The following TRDN variants were observed in gnomAD, a reference collection of about 807,000 sequenced individuals.
TRDN encodes triadin.
A neutral mutation model predicts 149.7 loss-of-function variants in TRDN; 161 were observed. That is an observed-to-expected ratio of 1.08 (90% CI 0.95 to 1.23). The LOEUF (loss-of-function observed/expected upper bound fraction) is 1.23, where lower values mean the gene tolerates loss of function less well. TRDN is among the 50% of genes most tolerant of loss of function. The pLI, the probability that TRDN is intolerant of heterozygous loss-of-function variation, is 0.00. For missense variants in TRDN, 896 were observed against 823.5 expected (o/e 1.09, Z -1.08); for synonymous variants, 294 against 250.5 (o/e 1.17, Z -1.64).
chr6:123,386,724 G>T (rs924387115), intron 14 of TRDN, among the ~76,000 whole-genome samples: 1 of 152,120 alleles, frequency 6.6e-6, no homozygotes, highest in Non-Finnish European at 1.5e-5. Flanking sequence ...AAATCATTTT[G>T]CTGTAGTCTG....
At chr6:123,547,519 A>G in intron 3 of TRDN, 147 bp from the exon 4 acceptor site, 1 of 450,678 alleles carries the variant, frequency 2.2e-6, no homozygotes, top group Non-Finnish European at 3.9e-6. Flanking sequence ...CCCAAATTCC[A>G]GTTTTTAAGT....
chr6:123,359,751 A>C (rs2114332089), intron 20 of TRDN, among the ~76,000 whole-genome samples: 1 of 152,282 alleles, frequency 6.6e-6, no homozygotes, highest in Admixed American at 6.5e-5. Context: ...GCTGGAGTGC[A>C]GTGGCCGGAT....
chr6:123,599,704 G>A (rs926876170), intron 1 of TRDN, among the ~76,000 whole-genome samples: 3 of 151,822 alleles, frequency 2.0e-5, no homozygotes, highest in Non-Finnish European at 4.4e-5. Flanking sequence ...GTTGGTTATG[G>A]TCTCAGTATC....
chr6:123,375,378 A>G (rs1456140471), intron 19 of TRDN, among the ~76,000 whole-genome samples: 1 of 152,204 alleles, frequency 6.6e-6, no homozygotes, highest in African/African-American at 2.4e-5. Flanking sequence ...CAAAGGGGTT[A>G]TGATGTGGCC....
At chr6:123,311,580 T>G (rs1020811628) in intron 24 of TRDN, among the ~76,000 whole-genome samples, 6 of 151,946 alleles carry the variant, frequency 3.9e-5, no homozygotes, top group Admixed American at 3.9e-4. Context: ...GTGGTCTACT[T>G]GCCCCCAAAC....
chr6:123,554,453 T>C (rs539782038), intron 2 of TRDN, among the ~76,000 whole-genome samples: 1 of 152,290 alleles, frequency 6.6e-6, no homozygotes, highest in South Asian at 2.1e-4. Flanking sequence ...AAGAAATAAT[T>C]TTAAGTGACC....
chr6:123,465,237 C>A (rs1327353513), intron 9 of TRDN, among the ~76,000 whole-genome samples: 2 of 152,022 alleles, frequency 1.3e-5, no homozygotes, highest in African/African-American at 4.8e-5. Context: ...TTAAATATAT[C>A]TACTGGACTT....
At chr6:123,232,855 C>G (rs894751490) in intron 38 of TRDN, among the ~76,000 whole-genome samples, 1 of 151,930 alleles carries the variant, frequency 6.6e-6, no homozygotes, top group South Asian at 2.1e-4. Flanking sequence ...GCTCTATATG[C>G]TCTTAGCAAA....
intron 37 of TRDN, among the ~76,000 whole-genome samples, chr6:123,253,553 C>CTTTAAAAATTTAAAAA (rs1240527111): frequency 1.3e-5 from 2 of 151,784 alleles, no homozygotes; most frequent in Admixed American, 6.6e-5. Flanking sequence ...TTATTTTTTT[C>CTTTAAAAATTTAAAAA]TTTAAAAATA....
Position 123,593,016 on chromosome 6 carries a change from C to T in TRDN, c.23-21884G>A, listed in dbSNP as rs534805050. Among the ~76,000 whole-genome samples, 378 of 152,174 alleles carry T rather than the reference C, an allele frequency of 2.5e-3. 1 individual carries two copies. The highest frequency in any genetic ancestry group is 3.8e-3 in the Non-Finnish European group (257 of 67,990). On this transcript the variant is annotated intron_variant, in intron 1 of 40. Transcript: ENST00000334268. ...CATTGGTTCAGTGTTAGAGGAAGTT[C>T]TTCAAAAATAGCATCAATTATTTTA... is the stretch of plus-strand genomic sequence containing the variant.
chr6:123,367,810 G>T (rs955546560), intron 19 of TRDN, among the ~76,000 whole-genome samples: 2 of 152,128 alleles, frequency 1.3e-5, no homozygotes, highest in African/African-American at 4.8e-5. Flanking sequence ...GATTTGGACC[G>T]CACTTTGGAA....
chr6:123,620,653 A>G (rs1785337254), intron 1 of TRDN, among the ~76,000 whole-genome samples: 1 of 152,132 alleles, frequency 6.6e-6, no homozygotes, highest in Non-Finnish European at 1.5e-5. Flanking sequence ...CACCTCAGTA[A>G]AACCTCCTTC....
intron 5 of TRDN, among the ~76,000 whole-genome samples, chr6:123,518,337 C>A (rs1017604803): frequency 1.3e-5 from 2 of 152,106 alleles, no homozygotes; most frequent in Non-Finnish European, 2.9e-5. Flanking sequence ...ATTTTGGTTC[C>A]TTTGAATCCC....
intron 2 of TRDN, among the ~76,000 whole-genome samples, chr6:123,551,866 C>T (rs1268288066): frequency 6.6e-6 from 1 of 151,954 alleles, no homozygotes; most frequent in Admixed American, 6.6e-5. Context: ...TCTAAGGTCT[C>T]GTTTTGGGTG....
chr6:123,566,364 A>C (rs984275396), intron 2 of TRDN, among the ~76,000 whole-genome samples: 1 of 152,242 alleles, frequency 6.6e-6, no homozygotes, highest in African/African-American at 2.4e-5. Context: ...TAAATGAACC[A>C]CAAATAAAAG....
chr6:123,267,902 TAA>T (rs1054795510), intron 31 of TRDN, among the ~76,000 whole-genome samples, 151 bp from the exon 32 acceptor site: 2 of 151,976 alleles, frequency 1.3e-5, no homozygotes, highest in Non-Finnish European at 2.9e-5. Context: ...CATATTGCCA[TAA>T]AAAAATTATA....
At chr6:123,330,253 A>T (rs1170266117) in intron 23 of TRDN, among the ~76,000 whole-genome samples, 1 of 152,096 alleles carries the variant, frequency 6.6e-6, no homozygotes, top group Non-Finnish European at 1.5e-5. Flanking sequence ...TAAATTACTT[A>T]ATGGTATCTA....
At chr6:123,563,934 C>A (rs1188351297) in intron 2 of TRDN, among the ~76,000 whole-genome samples, 2 of 152,018 alleles carry the variant, frequency 1.3e-5, no homozygotes, top group Non-Finnish European at 2.9e-5. Flanking sequence ...CAGGCTCTTG[C>A]CTTTATTAAA....
intron 1 of TRDN, among the ~76,000 whole-genome samples, chr6:123,584,143 C>T (rs4504491): frequency 0.022 from 3,286 of 151,896 alleles, 114 homozygotes; most frequent in African/African-American, 0.074. Context: ...TCATGGAGGT[C>T]GGGTGTGGTA....
Sources: gnomAD v4.1 joint callset for allele counts (sites outside exome capture counted in the v4.1 genomes callset) on GRCh38, gnomAD v4.1.1 for gene constraint, MANE v1.5 for transcripts, NCBI Gene and HGNC (gene_info 2026-07-23, HGNC 2026-07-21) for gene names.